The following SHB variants were observed in gnomAD, a reference collection of about 807,000 sequenced individuals.
SHB encodes the protein SH2 domain containing adaptor protein B.
Under a neutral mutation model 52.3 loss-of-function variants are expected in SHB, and 20 were observed. The ratio of observed to expected loss-of-function variants is 0.38; its 90% CI spans 0.27 to 0.56. The LOEUF (loss-of-function observed/expected upper bound fraction) is 0.56, where lower values mean the gene tolerates loss of function less well. SHB is among the 20% of genes least tolerant of loss of function. SHB has a pLI of 0.71. For synonymous variants in SHB, 397 were observed against 316.5 expected, an observed-to-expected ratio of 1.25 and a Z score of -2.70; for missense variants, 825 against 723.3, an observed-to-expected ratio of 1.14 and a Z score of -1.61.
At chr9:38,012,782 T>C (rs1587243517) in intron 2 of SHB, among the ~76,000 whole-genome samples, 1 of 150,120 alleles carries the variant, frequency 6.7e-6, no homozygotes, top group Non-Finnish European at 1.5e-5. Context: ...TGCTTACTTA[T>C]TCAAGATGAT....
chr9:37,993,056 G>A (rs1219708648), intron 2 of SHB, among the ~76,000 whole-genome samples: 1 of 152,216 alleles, frequency 6.6e-6, no homozygotes, highest in Admixed American at 6.5e-5. Context: ...GGCAGGCGAG[G>A]TGAGCGACAG....
chr9:37,921,194 T>C (rs1358400477), intron 5 of SHB, among the ~76,000 whole-genome samples: 1 of 152,194 alleles, frequency 6.6e-6, no homozygotes, highest in East Asian at 1.9e-4. Flanking sequence ...GTCCCTTAGG[T>C]AGAAAGCTGG....
intron 1 of SHB, among the ~76,000 whole-genome samples, chr9:38,029,533 C>T (rs1011138758): frequency 2.6e-5 from 4 of 151,852 alleles, no homozygotes; most frequent in African/African-American, 7.3e-5. Flanking sequence ...GCTCTGTTGC[C>T]CAGGGTGAAG....
intron 2 of SHB, among the ~76,000 whole-genome samples, chr9:37,976,173 G>A (rs1462744346): frequency 1.3e-5 from 2 of 152,116 alleles, no homozygotes; most frequent in Non-Finnish European, 2.9e-5. Context: ...ATAGCTAGGA[G>A]CACAAATGTG....
intron 1 of SHB, among the ~76,000 whole-genome samples, chr9:38,065,158 T>C (rs890096048): frequency 6.6e-6 from 1 of 151,692 alleles, no homozygotes; most frequent in Non-Finnish European, 1.5e-5. Context: ...GATCCATGAG[T>C]GAGGGGCAGA....
At chr9:37,952,325 A>T (rs982152792) in intron 4 of SHB, among the ~76,000 whole-genome samples, 6 of 152,202 alleles carry the variant, frequency 3.9e-5, no homozygotes, top group Non-Finnish European at 8.8e-5. Flanking sequence ...GCCAATCGTG[A>T]AGAGCCAAAG....
intron 1 of SHB, among the ~76,000 whole-genome samples, chr9:38,063,147 G>T (rs1042363247): frequency 1.6e-4 from 25 of 152,234 alleles, no homozygotes; most frequent in Admixed American, 1.6e-3. Flanking sequence ...CTTCAAAGGG[G>T]AAAGTGTCCC....
At chr9:37,979,014 C>G (rs959972144) in intron 2 of SHB, among the ~76,000 whole-genome samples, 1 of 152,196 alleles carries the variant, frequency 6.6e-6, no homozygotes, top group African/African-American at 2.4e-5. Flanking sequence ...ACCAACAGCT[C>G]CAGGACATCG....
intron 1 of SHB, among the ~76,000 whole-genome samples, chr9:38,038,395 C>G (rs1239785324): frequency 6.6e-6 from 1 of 152,166 alleles, no homozygotes; most frequent in African/African-American, 2.4e-5. Context: ...TTCCCCTTCC[C>G]TAACACCCAG....
intron 2 of SHB, among the ~76,000 whole-genome samples, chr9:37,984,987 C>T (rs982330356): frequency 2.6e-5 from 4 of 152,166 alleles, no homozygotes; most frequent in Non-Finnish European, 5.9e-5. Context: ...GCAGGAGGCC[C>T]CACCTCCTCC....
chr9:38,038,350 C>T (rs944577564), intron 1 of SHB, among the ~76,000 whole-genome samples: 2 of 152,214 alleles, frequency 1.3e-5, no homozygotes, highest in African/African-American at 4.8e-5. Context: ...GTGCACTGCA[C>T]TTTGCGGTTC....
chr9:37,923,740 C>T (rs552175281), intron 5 of SHB, among the ~76,000 whole-genome samples: 1 of 152,214 alleles, frequency 6.6e-6, no homozygotes, highest in Non-Finnish European at 1.5e-5. Flanking sequence ...ATGGCTGCTC[C>T]AGGCAGCATG....
At chr9:38,031,512 A>AC (rs1821413124) in intron 1 of SHB, among the ~76,000 whole-genome samples, 1 of 152,146 alleles carries the variant, frequency 6.6e-6, no homozygotes, top group Non-Finnish European at 1.5e-5. Context: ...GGGAAGCATT[A>AC]CCCCAGGTGA....
At chr9:37,923,447 C>G (rs1340581678) in intron 5 of SHB, among the ~76,000 whole-genome samples, 1 of 152,046 alleles carries the variant, frequency 6.6e-6, no homozygotes, top group Non-Finnish European at 1.5e-5. Context: ...GTGGTGACCG[C>G]CCCCCCAGGG....
chr9:38,007,181 CT>C (rs1246016710), intron 2 of SHB, among the ~76,000 whole-genome samples: 1 of 152,216 alleles, frequency 6.6e-6, no homozygotes, highest in Non-Finnish European at 1.5e-5. Flanking sequence ...CATTTTTCCC[CT>C]GACCCAGGCC....
intron 1 of SHB, among the ~76,000 whole-genome samples, chr9:38,064,865 G>T (rs146933877): frequency 2.3e-3 from 351 of 152,332 alleles, no homozygotes; most frequent in African/African-American, 8.0e-3. Context: ...AGGGTGCCGT[G>T]GTTCTCACTT....
intron 1 of SHB, among the ~76,000 whole-genome samples, chr9:38,027,963 G>A (rs1821365553): frequency 6.6e-6 from 1 of 152,044 alleles, no homozygotes; most frequent in Non-Finnish European, 1.5e-5. Context: ...TGAAGCAATG[G>A]TACTGTGCGG....
chr9:37,998,079 T>C (rs965672206), intron 2 of SHB, among the ~76,000 whole-genome samples: 10 of 152,222 alleles, frequency 6.6e-5, no homozygotes, highest in African/African-American at 2.4e-4. Context: ...CTGCTTTCTC[T>C]TGTAAAGTGC....
chr9:37,952,676 G>T (rs1832579665), intron 4 of SHB, among the ~76,000 whole-genome samples: 1 of 152,118 alleles, frequency 6.6e-6, no homozygotes, highest in African/African-American at 2.4e-5. Flanking sequence ...TTAGGAGGGA[G>T]CACTGGCAGA....
Sources: allele counts gnomAD v4.1 joint callset (sites outside exome capture counted in the v4.1 genomes callset), GRCh38; gene constraint gnomAD v4.1.1; transcripts MANE v1.5; gene names NCBI Gene and HGNC (gene_info 2026-07-23, HGNC 2026-07-21).